Variants in ZNF875 observed in about 807,000 individuals in gnomAD.
The protein encoded by ZNF875 is HKR1, GLI-Kruppel zinc finger family member.
ZNF875 carries 14 observed loss-of-function variants against 11.2 expected under a neutral mutation model. That is an observed-to-expected ratio of 1.26 (90% CI 0.83 to 1.96). The LOEUF is 1.96. ZNF875 is among the 30% of genes most tolerant of loss of function. ZNF875 has a pLI of 0.00. For synonymous variants in ZNF875, 301 were observed against 281.1 expected (o/e 1.07, Z -0.71); for missense variants, 752 against 760.4 (o/e 0.99, Z 0.13).
chr19:37,320,763 T>C (rs1008559669), intron 1 of ZNF875, among the ~76,000 whole-genome samples: 2 of 152,204 alleles, frequency 1.3e-5, no homozygotes, highest in African/African-American at 4.8e-5. Context: ...TGTTTCCATA[T>C]GGCCTTGACT....
chr19:37,334,523 A>C, upstream of ZNF875: 1 of 357,656 alleles, frequency 2.8e-6, no homozygotes, highest in South Asian at 2.1e-5. Flanking sequence ...GATGTCAGTC[A>C]CCCTGTGTGG....
In ZNF875 at chr19:37,350,266, C is replaced by T. The variant is rs182073287; in HGVS notation, c.256+2394C>T. On this transcript the variant is annotated intron_variant, in intron 4 of 4. Transcript: ENST00000392153. Reference sequence around the variant, plus strand: ...AGCTGGGACTACATGCATGCCACCACGCCCGGCTAACTTTTTTGTATTTTT... The same window carrying T: ...AGCTGGGACTACATGCATGCCACCATGCCCGGCTAACTTTTTTGTATTTTT... 2.2e-3 allele frequency among the ~76,000 whole-genome samples: 336 copies of T among 151,898 alleles called. 1 individual carries two copies. The highest frequency in any genetic ancestry group is 7.9e-3 in the African/African-American group (327 of 41,416).
chr19:37,331,166 G>T (rs375191834), upstream of ZNF875, among the ~76,000 whole-genome samples: 2 of 121,642 alleles, frequency 1.6e-5, no homozygotes, highest in South Asian at 6.1e-4. Context: ...CAGCCTGGGC[G>T]ACAGAGTGAG....
At chr19:37,323,195 C>A (rs918630919) in intron 2 of ZNF875, among the ~76,000 whole-genome samples, 3 of 151,734 alleles carry the variant, frequency 2.0e-5, no homozygotes, top group Non-Finnish European at 4.4e-5. Flanking sequence ...ACTCTGTTTC[C>A]CAGGCTGGAG....
chr19:37,317,049 A>G (rs1443960564), upstream of ZNF875: 3 of 149,360 alleles, frequency 2.0e-5, no homozygotes, highest in African/African-American at 7.5e-5. Flanking sequence ...ATCTCGGCTC[A>G]CTGCAATCTC....
intron 4 of ZNF875, among the ~76,000 whole-genome samples, chr19:37,354,210 G>GT (rs2038451659): frequency 7.9e-6 from 1 of 127,336 alleles, no homozygotes; most frequent in African/African-American, 3.1e-5. Flanking sequence ...AATTTCAGTT[G>GT]TTTTTTTCTT....
chr19:37,336,200 A>C (rs1423161948), intron 2 of ZNF875, among the ~76,000 whole-genome samples: 1 of 152,014 alleles, frequency 6.6e-6, no homozygotes, highest in Non-Finnish European at 1.5e-5. Context: ...GGGGGAAGGC[A>C]TTCCAGTGGG....
At chr19:37,320,581 A>G (rs1389666749) in intron 1 of ZNF875, among the ~76,000 whole-genome samples, 2 of 152,250 alleles carry the variant, frequency 1.3e-5, no homozygotes, top group Non-Finnish European at 2.9e-5. Flanking sequence ...TCAGGATTTC[A>G]GACATGGCAC....
intron 4 of ZNF875, among the ~76,000 whole-genome samples, chr19:37,350,799 CT>C (rs61142979): frequency 0.011 from 1,046 of 91,246 alleles, 7 homozygotes; most frequent in East Asian, 0.049. Context: ...ATTCTTTTTG[CT>C]TTTTTTTTTT....
intron 2 of ZNF875, among the ~76,000 whole-genome samples, chr19:37,336,120 T>C (rs932386668): frequency 1.2e-4 from 18 of 152,058 alleles, no homozygotes; most frequent in African/African-American, 4.3e-4. Context: ...TGATTTCAAA[T>C]GGTTAGGGAG....
chr19:37,324,756 C>G (rs182110236), intron 4 of ZNF875: 1 of 155,552 alleles, frequency 6.4e-6, no homozygotes, highest in East Asian at 1.9e-4. Context: ...TTTATATTTT[C>G]CATCAAGATT....
chr19:37,353,094 G>A (rs1178463806), intron 4 of ZNF875, among the ~76,000 whole-genome samples: 2 of 151,834 alleles, frequency 1.3e-5, no homozygotes, highest in African/African-American at 2.4e-5. Context: ...GGCTGGTCTC[G>A]AACTCCTGAC....
chr19:37,344,535 T>A (rs1231137314), intron 2 of ZNF875: 28 of 668,194 alleles, frequency 4.2e-5, no homozygotes, highest in Non-Finnish European at 1.3e-5. Context: ...TGACGAAGTC[T>A]TTTGCTAGAA....
chr19:37,333,293 T>C (rs1437124513), upstream of ZNF875, among the ~76,000 whole-genome samples: 2 of 151,186 alleles, frequency 1.3e-5, no homozygotes, highest in Non-Finnish European at 3.0e-5. Flanking sequence ...TGCTTTTCAT[T>C]TGTGCTTCTT....
At chr19:37,326,558 C>T (rs190441768) in intron 4 of ZNF875, among the ~76,000 whole-genome samples, 41 of 150,462 alleles carry the variant, frequency 2.7e-4, no homozygotes, top group Admixed American at 2.0e-3. Context: ...ATTTGCAATA[C>T]AAGAATGATT....
intron 4 of ZNF875, chr19:37,324,779 CTT>C (rs11287385): frequency 0.011 from 1,654 of 150,406 alleles, no homozygotes; most frequent in Non-Finnish European, 0.017. Context: ...ACCTCTCTCT[CTT>C]TTTTTTTTTT....
chr19:37,326,856 C>G (rs1431422223), intron 4 of ZNF875, among the ~76,000 whole-genome samples: 2 of 151,700 alleles, frequency 1.3e-5, no homozygotes, highest in East Asian at 3.9e-4. Context: ...TTAGTAGAGC[C>G]AGAGTTTTGC....
chr19:37,350,029 A>G (rs1169248702), intron 4 of ZNF875, among the ~76,000 whole-genome samples: 1 of 125,530 alleles, frequency 8.0e-6, no homozygotes, highest in African/African-American at 3.2e-5. Context: ...CAAAGGCGCA[A>G]TCTCGGCTCA....
At chr19:37,326,460 A>G (rs148472237) in intron 4 of ZNF875, among the ~76,000 whole-genome samples, 1 of 152,058 alleles carries the variant, frequency 6.6e-6, no homozygotes, top group Admixed American at 6.6e-5. Context: ...TTTCTGTCTT[A>G]CATTCAAGGG....
Sources: allele counts gnomAD v4.1 joint callset (sites outside exome capture counted in the v4.1 genomes callset), GRCh38; gene constraint gnomAD v4.1.1; transcripts MANE v1.5; gene names NCBI Gene and HGNC (gene_info 2026-07-23, HGNC 2026-07-21).